The following MID2 variants were observed in gnomAD, a reference collection of about 807,000 sequenced individuals.
MID2 encodes the protein probable E3 ubiquitin-protein ligase MID2.
Under a neutral mutation model 46.1 loss-of-function variants are expected in MID2, and 13 were observed. The observed-to-expected ratio is 0.28, with a 90% CI of 0.18 to 0.45. The LOEUF (loss-of-function observed/expected upper bound fraction) is 0.45, where lower values mean the gene tolerates loss of function less well. MID2 is among the 20% of genes least tolerant of loss of function. The probability of loss-of-function intolerance (pLI) is 1.00; values close to 1 mark genes in which losing one functional copy is unlikely to be tolerated. For synonymous variants in MID2, 199 were observed against 212.3 expected, an observed-to-expected ratio of 0.94 and a Z score of 0.55; for missense variants, 431 against 575.4, an observed-to-expected ratio of 0.75 and a Z score of 2.57.
chrX:107,907,661 C>A (rs1316773377), intron 5 of MID2, among the ~76,000 whole-genome samples: 1 of 111,611 alleles, frequency 9.0e-6, no homozygotes, highest in Non-Finnish European at 1.9e-5. Context: ...TACTTCATAT[C>A]CCCTCCAATT....
In MID2 at chrX:107,916,009, A is replaced by G. The variant is rs779794899; in HGVS notation, c.1081A>G (p.Met361Val). 1 of 1,203,190 alleles carries G rather than the reference A, an allele frequency of 8.3e-7. No individual in the cohort carries two copies. Among genetic ancestry groups the G allele is most frequent in the African/African-American group, 1.8e-5 (1 of 56,822 alleles). ...SAKNIAERVA[M>V]ATASSQVLIP... ...TACTTTTCTCTTTTTCAGGGTCGCT[A>G]TGGCAACTGCATCTTCTCAAGTTCT... The change falls in exon 6 of 10, where the codon ATG becomes GTG. Residue 361 changes from methionine to valine, a missense_variant. Coordinates refer to ENST00000262843, the MANE Select transcript of MID2 (RefSeq NM_012216.4).
At chrX:107,879,236 C>T (rs1688772128) in intron 3 of MID2, among the ~76,000 whole-genome samples, 1 of 111,915 alleles carries the variant, frequency 8.9e-6, no homozygotes. Context: ...CTTTTGCACC[C>T]ACACCCGAGT....
At chrX:107,831,552 G>A (rs182119172) in intron 1 of MID2, among the ~76,000 whole-genome samples, 2 of 112,132 alleles carry the variant, frequency 1.8e-5, no homozygotes, top group Admixed American at 1.9e-4. Context: ...TTTGTTCAGT[G>A]TTGCTAGGAT....
At chrX:107,842,540 T>C (rs891956476) in intron 2 of MID2, among the ~76,000 whole-genome samples, 1 of 112,145 alleles carries the variant, frequency 8.9e-6, no homozygotes, top group Non-Finnish European at 1.9e-5. Flanking sequence ...GGATGATTCA[T>C]TGTAACTTCT....
At chrX:107,863,504 C>G (rs1161667724) in intron 3 of MID2, among the ~76,000 whole-genome samples, 1 of 111,913 alleles carries the variant, frequency 8.9e-6, no homozygotes, top group African/African-American at 3.2e-5. Context: ...TGTTCAAATT[C>G]CAGGTCACTC....
At chrX:107,857,281 C>CTT (rs1172837242) in intron 3 of MID2, among the ~76,000 whole-genome samples, 16 of 97,432 alleles carry the variant, frequency 1.6e-4, no homozygotes, top group African/African-American at 2.6e-4. Context: ...TTAACTTCCT[C>CTT]TTTTTTTTTT....
At chrX:107,835,507 G>A (rs1024947386) in intron 1 of MID2, among the ~76,000 whole-genome samples, 14 of 111,970 alleles carry the variant, frequency 1.3e-4, no homozygotes, top group African/African-American at 3.6e-4. Flanking sequence ...CCTGGCTGAC[G>A]TGCTGTTTTC....
Position 107,927,482 on chromosome X carries a change from G to A in MID2, c.*409G>A, listed in dbSNP as rs1023508078. 2.2e-4 allele frequency among the ~76,000 whole-genome samples: 25 copies of A among 111,357 alleles called. No homozygotes were observed. The highest frequency in any genetic ancestry group is 7.2e-4 in the African/African-American group (22 of 30,679). ...CAGCCTTTCTAGTACTGGCCAGTTT[G>A]GCCATGTAGAATTTTGAACAGTGTC... On this transcript the variant is annotated 3_prime_UTR_variant, in exon 10 of 10. Transcript: ENST00000262843.
chrX:107,927,756 T>G lies in MID2; in HGVS notation c.*683T>G, dbSNP rs1309644297. Among the ~76,000 whole-genome samples the G allele has an allele frequency of 2.7e-5, 3 of 111,609 alleles. No individual in the cohort carries two copies. Among genetic ancestry groups the G allele is most frequent in the African/African-American group, 9.8e-5 (3 of 30,689 alleles). ...TTGCTAATTTGAGTGAGAAATATAC[T>G]GGAAGGGAAAATAAGTTACACCATC... On this transcript the variant is annotated 3_prime_UTR_variant, in exon 10 of 10. Transcript: ENST00000262843.
intron 3 of MID2, among the ~76,000 whole-genome samples, chrX:107,900,879 C>T (rs900933423): frequency 1.8e-5 from 2 of 111,928 alleles, no homozygotes; most frequent in Admixed American, 1.9e-4. Flanking sequence ...ATGGCTCTTC[C>T]CCATCCAGTT....
chrX:107,828,083 C>G (rs996513082), intron 1 of MID2, among the ~76,000 whole-genome samples: 1 of 110,845 alleles, frequency 9.0e-6, no homozygotes. Flanking sequence ...AGTAATCTCT[C>G]CTGAGATCTG....
Position 107,931,127 on chromosome X carries a change from C to T in MID2, c.*4054C>T, listed in dbSNP as rs1933273977. The stretch of plus-strand genomic sequence containing the variant: ...AAACACTCTAGGTGAATTTTCTAAA[C>T]TTCCATGGTTTACATATTTATATAT... On this transcript the variant is annotated 3_prime_UTR_variant, in exon 10 of 10. Coordinates refer to ENST00000262843, the MANE Select transcript of MID2 (RefSeq NM_012216.4). Among the ~76,000 whole-genome samples the T allele has an allele frequency of 8.9e-6, 1 of 112,426 alleles. No homozygotes were observed. Among genetic ancestry groups the T allele is most frequent in the Admixed American group, 9.4e-5 (1 of 10,623 alleles).
intron 3 of MID2, among the ~76,000 whole-genome samples, chrX:107,891,279 C>CTTTT (rs753102005): frequency 1.1e-5 from 1 of 93,366 alleles, no homozygotes; most frequent in South Asian, 4.8e-4. Context: ...TGTTTTATAC[C>CTTTT]TTTTTTTTTT....
At chrX:107,920,103 C>T (rs1281969014) in intron 7 of MID2, among the ~76,000 whole-genome samples, 1 of 112,158 alleles carries the variant, frequency 8.9e-6, no homozygotes, top group Non-Finnish European at 1.9e-5. Context: ...CAATGAGAAA[C>T]TATTTTACTA....
chrX:107,848,247 G>C (rs1342388939), intron 2 of MID2, among the ~76,000 whole-genome samples: 8 of 111,330 alleles, frequency 7.2e-5, no homozygotes. Context: ...ATGAGAGGCA[G>C]GAAGTGAAGA....
chrX:107,829,899 G>A (rs749498857), intron 1 of MID2, among the ~76,000 whole-genome samples: 3 of 112,342 alleles, frequency 2.7e-5, no homozygotes, highest in Non-Finnish European at 3.8e-5. Flanking sequence ...TCTGAATGGT[G>A]CAAATTGATT....
chrX:107,923,062 G>A (rs1370582431), intron 7 of MID2, among the ~76,000 whole-genome samples: 1 of 111,801 alleles, frequency 8.9e-6, no homozygotes, highest in African/African-American at 3.3e-5. Context: ...ATATCTGTTT[G>A]CCCTCCATCG....
At chrX:107,907,778 G>T (rs982429730) in intron 5 of MID2, among the ~76,000 whole-genome samples, 2 of 111,882 alleles carry the variant, frequency 1.8e-5, no homozygotes, top group African/African-American at 6.5e-5. Flanking sequence ...TTATATCCAA[G>T]TAATACCTTG....
chrX:107,872,580 A>T (rs1205924957), intron 3 of MID2, among the ~76,000 whole-genome samples: 2 of 111,789 alleles, frequency 1.8e-5, no homozygotes, highest in Non-Finnish European at 3.8e-5. Flanking sequence ...CCAGGCCTTT[A>T]CTCGGGTATA....
Sources: gnomAD v4.1 joint callset for allele counts (sites outside exome capture counted in the v4.1 genomes callset) on GRCh38, gnomAD v4.1.1 for gene constraint, MANE v1.5 for transcripts, NCBI Gene and HGNC (gene_info 2026-07-23, HGNC 2026-07-21) for gene names.